The following MTRFR variants were observed in gnomAD, a reference collection of about 807,000 sequenced individuals.
The protein encoded by MTRFR is mitochondrial translation release factor in rescue.
A neutral mutation model predicts 11.9 loss-of-function variants in MTRFR; 10 were observed. That is an observed-to-expected ratio of 0.84 (90% CI 0.52 to 1.42). The LOEUF (loss-of-function observed/expected upper bound fraction) is 1.42, where lower values mean the gene tolerates loss of function less well. Ranked by LOEUF, MTRFR falls within the 40% of genes most tolerant of loss-of-function variation. The pLI, the probability that MTRFR is intolerant of heterozygous loss-of-function variation, is 0.00. For synonymous variants in MTRFR, 77 were observed against 79.1 expected (o/e 0.97, Z 0.14); for missense variants, 196 against 197.9 (o/e 0.99, Z 0.06).
Position 123,257,247 on chromosome 12 carries a change from C to A in MTRFR, c.*216C>A. 1.9e-6 allele frequency: 1 copy of A among 518,800 alleles called. No individual in the cohort carries two copies. 32.1% of individuals were successfully genotyped at this position (518,800 alleles called of 1,614,324 possible). A position where few individuals can be genotyped will look rare whatever the true frequency, so the allele number is the denominator to read the frequency against. ...ACTCGGCTGGGCACGGTGGACGGTGCCTCACATCTGTAATCCCAGCACTTT... is the reference window on the plus strand; with the variant it reads ...ACTCGGCTGGGCACGGTGGACGGTGACTCACATCTGTAATCCCAGCACTTT... On this transcript the variant is annotated 3_prime_UTR_variant, in exon 3 of 3. Coordinates refer to ENST00000253233, the MANE Select transcript of MTRFR (RefSeq NM_152269.5).
intron 2 of MTRFR, chr12:123,254,198 G>C: frequency 1.9e-6 from 1 of 531,280 alleles, no homozygotes; most frequent in East Asian, 3.3e-5. Flanking sequence ...TTTGGAGCCA[G>C]GGTATGGCTG....
rs1460180114 is a variant in MTRFR, at chr12:123,253,858, G to GAGCAGTTTGCGAA, written c.193_194insCGAAAGCAGTTTG (p.Val65AlafsTer42). The GAGCAGTTTGCGAA allele has an allele frequency of 1.2e-6, 2 of 1,614,078 alleles. No individual in the cohort carries two copies. Among genetic ancestry groups the GAGCAGTTTGCGAA allele is most frequent in the African/African-American group, 2.7e-5 (2 of 74,936 alleles). ...TTCCTTGGATGAGAATGAACTCGAA[G>GAGCAGTTTGCGAA]AGCAGTTTGTGAAAGGACACGGTCC... On this transcript the variant is annotated frameshift_variant, in exon 2 of 3. Coordinates refer to ENST00000253233, the MANE Select transcript of MTRFR (RefSeq NM_152269.5). LOFTEE classifies it high-confidence loss of function.
chr12:123,252,723 G>A (rs75315573), intron 1 of MTRFR, among the ~76,000 whole-genome samples: 7,325 of 151,632 alleles, frequency 0.048, 317 homozygotes, highest in East Asian at 0.26. Flanking sequence ...TCAGGAATTC[G>A]AGACCAGCCT....
chr12:123,246,732 T>C (rs1326137602), intron 1 of MTRFR, among the ~76,000 whole-genome samples: 7 of 104,936 alleles, frequency 6.7e-5, no homozygotes, highest in Non-Finnish European at 1.4e-4. Context: ...TTTTTTTTTT[T>C]TTTTTTTTTT....
intron 1 of MTRFR, among the ~76,000 whole-genome samples, chr12:123,235,704 G>A (rs1186126554): frequency 6.6e-6 from 1 of 151,760 alleles, no homozygotes; most frequent in Non-Finnish European, 1.5e-5. Context: ...ATTGTTCACA[G>A]TCACAGATCA....
At chr12:123,256,110 A>G (rs765736047) in intron 2 of MTRFR, among the ~76,000 whole-genome samples, 2 of 152,198 alleles carry the variant, frequency 1.3e-5, no homozygotes, top group East Asian at 3.9e-4. Flanking sequence ...CACTCACCCT[A>G]TAATAACTGA....
At chr12:123,243,537 A>C (rs892814094) in intron 1 of MTRFR, among the ~76,000 whole-genome samples, 1 of 150,802 alleles carries the variant, frequency 6.6e-6, no homozygotes, top group Non-Finnish European at 1.5e-5. Context: ...CTCAAAAAAA[A>C]AAAAAAAAAA....
intron 1 of MTRFR, among the ~76,000 whole-genome samples, chr12:123,236,937 T>C (rs1429138218): frequency 6.6e-6 from 1 of 151,652 alleles, no homozygotes; most frequent in Non-Finnish European, 1.5e-5. Flanking sequence ...TACAAAAAAT[T>C]AGCCAAGCGT....
intron 1 of MTRFR, among the ~76,000 whole-genome samples, chr12:123,242,610 T>G (rs1158885671): frequency 6.6e-6 from 1 of 152,200 alleles, no homozygotes; most frequent in African/African-American, 2.4e-5. Context: ...GAATTAACTG[T>G]TAAACAAAGC....
chr12:123,235,591 C>T (rs2047834841), intron 1 of MTRFR, among the ~76,000 whole-genome samples: 1 of 149,848 alleles, frequency 6.7e-6, no homozygotes, highest in African/African-American at 2.5e-5. Flanking sequence ...CCAGGTTGGT[C>T]TCGATCTCCT....
chr12:123,253,110 G>C (rs12818986), intron 1 of MTRFR, among the ~76,000 whole-genome samples: 1 of 24,492 alleles, frequency 4.1e-5, no homozygotes, highest in Non-Finnish European at 1.2e-4. Context: ...TTTTTTTTGA[G>C]ACACTGTCTC....
At chr12:123,234,266 C>G (rs1690874978) in intron 1 of MTRFR, among the ~76,000 whole-genome samples, 1 of 152,204 alleles carries the variant, frequency 6.6e-6, no homozygotes. Flanking sequence ...TTCCCTGGCA[C>G]TATCACTTAG....
At chr12:123,253,121 G>T (rs1291635845) in intron 1 of MTRFR, among the ~76,000 whole-genome samples, 2 of 83,886 alleles carry the variant, frequency 2.4e-5, no homozygotes, top group African/African-American at 8.5e-5. Flanking sequence ...ACACTGTCTC[G>T]CTCTGTTGTC....
rs71085872 is a variant in MTRFR at position 123,253,070 on chromosome 12, ATTTTTTTTTTTTTTTTTTTT to A, written c.-28-559_-28-540del. Among the ~76,000 whole-genome samples the A allele has an allele frequency of 6.9e-4, 24 of 34,844 alleles. No individual in the cohort carries two copies. The Admixed American group carries it at 8.1e-3, about 12-fold the overall frequency. 22.9% of individuals were successfully genotyped at this position (34,844 alleles called of 152,430 possible). A position where few individuals can be genotyped will look rare whatever the true frequency, so the allele number is the denominator to read the frequency against. On this transcript the variant is annotated intron_variant, in intron 1 of 2. Coordinates refer to ENST00000253233, the MANE Select transcript of MTRFR (RefSeq NM_152269.5). ...ATCAAATTACAGTCCGTTCCTTTGAATTTTTTTTTTTTTTTTTTTTTTTTTTTTTTTTTTTTTGAGACACT... is the reference window on the plus strand; with the variant it reads ...ATCAAATTACAGTCCGTTCCTTTGAATTTTTTTTTTTTTTTTTGAGACACT...
At chr12:123,235,844 G>A (rs111818294) in intron 1 of MTRFR, among the ~76,000 whole-genome samples, 7,388 of 151,718 alleles carry the variant, frequency 0.049, 317 homozygotes, top group East Asian at 0.26. Flanking sequence ...CAAGCGGATC[G>A]CTTGAGGTCA....
intron 1 of MTRFR, among the ~76,000 whole-genome samples, chr12:123,237,900 CTT>C (rs34786765): frequency 2.7e-5 from 4 of 147,986 alleles, no homozygotes; most frequent in South Asian, 2.1e-4. Context: ...CACCAAAACA[CTT>C]TTTTTTTTTT....
chr12:123,235,663 C>T (rs567060013), intron 1 of MTRFR, among the ~76,000 whole-genome samples: 9 of 151,846 alleles, frequency 5.9e-5, no homozygotes, highest in South Asian at 2.1e-4. Flanking sequence ...TGAGCCACCG[C>T]GCTCGGCCTG....
At chr12:123,255,404 C>T (rs143232968) in intron 2 of MTRFR, among the ~76,000 whole-genome samples, 3 of 152,252 alleles carry the variant, frequency 2.0e-5, no homozygotes, top group East Asian at 1.9e-4. Flanking sequence ...ACCTATTTGA[C>T]ATAACTCAAT....
chr12:123,256,947 A>G lies in MTRFR; in HGVS notation c.417A>G (p.Gln139=), dbSNP rs775618524. The G allele has an allele frequency of 1.2e-6, 2 of 1,613,712 alleles. No individual in the cohort carries two copies. The highest frequency in any genetic ancestry group is 4.5e-5 in the East Asian group (2 of 44,886). Residue 139 remains glutamine (Q), a synonymous_variant, in exon 3 of 3, where the codon CAA becomes CAG. Coordinates refer to ENST00000253233, the MANE Select transcript of MTRFR (RefSeq NM_152269.5). ...AACGAGAAGCGGCGAAGAAAAAACA[A>G]GAAAGGAAAAAAAGAGCAAAGGAAA... ...KEKREAAKKK[Q]ERKKRAKETL... is the part of the protein sequence containing the mutation.
Sources: gnomAD v4.1 joint callset for allele counts (sites outside exome capture counted in the v4.1 genomes callset) on GRCh38, gnomAD v4.1.1 for gene constraint, MANE v1.5 for transcripts, NCBI Gene and HGNC (gene_info 2026-07-23, HGNC 2026-07-21) for gene names.